The following SGTB variants were observed in gnomAD, a reference collection of about 807,000 sequenced individuals.
SGTB encodes small glutamine-rich tetratricopeptide repeat-containing protein beta.
Under a neutral mutation model 43.9 loss-of-function variants are expected in SGTB, and 19 were observed. The observed-to-expected ratio is 0.43, with a 90% confidence interval of 0.30 to 0.63. The LOEUF (loss-of-function observed/expected upper bound fraction) is 0.63. Ranked by LOEUF, SGTB falls within the 30% of genes least tolerant of loss-of-function variation. SGTB has a pLI of 0.12. For missense variants in SGTB, 304 were observed against 358.9 expected (o/e 0.85, Z 1.24); for synonymous variants, 116 against 117.3 (o/e 0.99, Z 0.07).
chr5:65,703,732 T>A (rs545915095), intron 5 of SGTB, among the ~76,000 whole-genome samples: 8 of 126,130 alleles, frequency 6.3e-5, no homozygotes, highest in East Asian at 2.4e-4. Context: ...TCAAAAAAAA[T>A]AAAAATAAAA....
intron 5 of SGTB, among the ~76,000 whole-genome samples, chr5:65,693,299 G>A (rs890130022): frequency 2.7e-5 from 4 of 147,966 alleles, no homozygotes; most frequent in Non-Finnish European, 4.5e-5. Flanking sequence ...GGAAGGAAGG[G>A]ATGAATCAAG....
chr5:65,680,310 G>A (rs942953714), intron 8 of SGTB, among the ~76,000 whole-genome samples, 184 bp downstream of exon 8: 7 of 152,098 alleles, frequency 4.6e-5, no homozygotes, highest in African/African-American at 1.7e-4. Context: ...TGCACATCCT[G>A]CACATTTACC....
At chr5:65,673,292 G>C (rs1165013135) in intron 8 of SGTB, among the ~76,000 whole-genome samples, 2 of 152,272 alleles carry the variant, frequency 1.3e-5, no homozygotes, top group South Asian at 4.1e-4. Context: ...GCTACAGACT[G>C]ACCGGTTGTA....
chr5:65,712,926 T>C (rs1167076705), intron 3 of SGTB, 35 bp downstream of exon 3: 1 of 1,515,678 alleles, frequency 6.6e-7, no homozygotes, highest in Non-Finnish European at 9.1e-7. Context: ...ATTGTAGTCA[T>C]ATCAGTTAAT....
At chr5:65,676,477 A>G (rs1257285629) in intron 8 of SGTB, among the ~76,000 whole-genome samples, 1 of 152,184 alleles carries the variant, frequency 6.6e-6, no homozygotes, top group Non-Finnish European at 1.5e-5. Flanking sequence ...ACTCCCACAC[A>G]ATAATAGTGG....
At chr5:65,673,422 T>G (rs1757197330) in intron 8 of SGTB, among the ~76,000 whole-genome samples, 1 of 152,156 alleles carries the variant, frequency 6.6e-6, no homozygotes, top group Non-Finnish European at 1.5e-5. Context: ...GAGCAAGCAT[T>G]ACTGCCTGAG....
rs775604239 is a variant in SGTB, at chr5:65,720,828, T to C, written c.-21A>G. ...GACATTTTAGAAGCTTAAACACTTT[T>C]CCTTGATAAGAAAAATGAAAACACT... On this transcript the variant is annotated splice_region_variant and 5_prime_UTR_variant, in exon 2 of 11. Coordinates refer to ENST00000381007, the MANE Select transcript of SGTB (RefSeq NM_019072.3). 9 of 1,599,892 alleles carry C rather than the reference T, an allele frequency of 5.6e-6. No homozygotes were observed. Among genetic ancestry groups the C allele is most frequent in the African/African-American group, 4.1e-5 (3 of 73,926 alleles).
At chr5:65,721,167 TAA>T (rs1758267214) in intron 1 of SGTB, among the ~76,000 whole-genome samples, 1 of 152,216 alleles carries the variant, frequency 6.6e-6, no homozygotes, top group African/African-American at 2.4e-5. Context: ...AGTACTAAGT[TAA>T]GAGGCATTTC....
intron 2 of SGTB, among the ~76,000 whole-genome samples, chr5:65,716,211 A>G (rs1334670568): frequency 1.3e-5 from 2 of 152,248 alleles, no homozygotes; most frequent in East Asian, 3.8e-4. Flanking sequence ...AAAAGCCCTT[A>G]GGCAAGAGGA....
At chr5:65,709,629 G>A (rs1219879297) in intron 3 of SGTB, among the ~76,000 whole-genome samples, 3 of 151,998 alleles carry the variant, frequency 2.0e-5, no homozygotes, top group Non-Finnish European at 4.4e-5. Context: ...CACCCGCCTC[G>A]GCCTCCCAAA....
intron 5 of SGTB, among the ~76,000 whole-genome samples, chr5:65,694,140 A>G (rs912085175): frequency 2.1e-4 from 32 of 152,262 alleles, no homozygotes; most frequent in African/African-American, 7.7e-4. Flanking sequence ...AGGAAAAGAC[A>G]TTAAGAAGAC....
At chr5:65,682,940 A>C (rs1757424833) in intron 6 of SGTB, among the ~76,000 whole-genome samples, 1 of 152,154 alleles carries the variant, frequency 6.6e-6, no homozygotes, top group Non-Finnish European at 1.5e-5. Context: ...CAACTGTTGT[A>C]AATAGTCATA....
intron 3 of SGTB, among the ~76,000 whole-genome samples, chr5:65,710,091 A>G (rs1352070886): frequency 6.6e-6 from 1 of 152,204 alleles, no homozygotes; most frequent in Non-Finnish European, 1.5e-5. Context: ...AGTTTTCCCA[A>G]GCATAAAATA....
In SGTB at chr5:65,670,210, A is replaced by G. The variant is rs746316019; in HGVS notation, c.*36T>C. On this transcript the variant is annotated 3_prime_UTR_variant, in exon 11 of 11. Coordinates refer to ENST00000381007, the MANE Select transcript of SGTB (RefSeq NM_019072.3). The stretch of plus-strand genomic sequence containing the variant: ...AACAAATACTTCATTCATAGCCATA[A>G]ACCATTTGTATCTTGGGCTTGAGCC... 4 of 1,590,292 alleles carry G rather than the reference A, an allele frequency of 2.5e-6. No homozygotes were observed. In the South Asian group the frequency reaches 4.4e-5, roughly 18 times the overall value.
rs554711701 is a variant in SGTB, at chr5:65,694,595, C to A, written c.375-9123G>T. Among the ~76,000 whole-genome samples the A allele has an allele frequency of 7.2e-5, 11 of 152,148 alleles. No individual in the cohort carries two copies. The South Asian group carries it at 2.3e-3, about 32-fold the overall frequency. On this transcript the variant is annotated intron_variant, in intron 5 of 10. Transcript: ENST00000381007. ...GATTCAAGCAATTCTCCTGCCTCAGCCTCCAGAGTAGCTGGGAATACAGGT... is the reference window on the plus strand; with the variant it reads ...GATTCAAGCAATTCTCCTGCCTCAGACTCCAGAGTAGCTGGGAATACAGGT...
At chr5:65,675,293 C>T (rs925985148) in intron 8 of SGTB, among the ~76,000 whole-genome samples, 2 of 152,156 alleles carry the variant, frequency 1.3e-5, no homozygotes, top group African/African-American at 4.8e-5. Flanking sequence ...GAAAACAAGG[C>T]AGACAATGCT....
chr5:65,699,738 G>A (rs920159153), intron 5 of SGTB, among the ~76,000 whole-genome samples: 3 of 152,150 alleles, frequency 2.0e-5, no homozygotes, highest in African/African-American at 7.2e-5. Context: ...GATTATAGGC[G>A]TGAGCCACTG....
intron 10 of SGTB, among the ~76,000 whole-genome samples, 173 bp downstream of exon 10, chr5:65,671,742 T>G (rs552202982): frequency 1.3e-5 from 2 of 152,250 alleles, no homozygotes; most frequent in African/African-American, 4.8e-5. Flanking sequence ...CCCTGCAGTC[T>G]AAAAAGTGGT....
At chr5:65,703,729 A>C (rs1198885006) in intron 5 of SGTB, among the ~76,000 whole-genome samples, 1 of 150,574 alleles carries the variant, frequency 6.6e-6, no homozygotes, top group Non-Finnish European at 1.5e-5. Flanking sequence ...GTCTCAAAAA[A>C]AATAAAAATA....
Sources: gnomAD v4.1 joint callset for allele counts (sites outside exome capture counted in the v4.1 genomes callset) on GRCh38, gnomAD v4.1.1 for gene constraint, MANE v1.5 for transcripts, NCBI Gene and HGNC (gene_info 2026-07-23, HGNC 2026-07-21) for gene names.